DDX46: variants seen among roughly 807,000 people sequenced by gnomAD.
The protein encoded by DDX46 is probable ATP-dependent RNA helicase DDX46.
Under a neutral mutation model 134.9 loss-of-function variants are expected in DDX46, and 30 were observed. The ratio of observed to expected loss-of-function variants is 0.22; its 90% CI spans 0.17 to 0.30. DDX46 has a LOEUF of 0.30. Among genes scored for constraint, DDX46 ranks in the 10% least tolerant of loss-of-function variants. The pLI, the probability that DDX46 is intolerant of heterozygous loss-of-function variation, is 1.00. For synonymous variants in DDX46, 415 were observed against 404.1 expected (o/e 1.03, Z -0.32); for missense variants, 622 against 1,248.7 (o/e 0.50, Z 7.56).
intron 13 of DDX46, 122 bp downstream of exon 13, chr5:134,790,674 A>C: frequency 1.3e-6 from 1 of 792,540 alleles, no homozygotes; most frequent in Non-Finnish European, 2.0e-6. Flanking sequence ...ACGGTAATAC[A>C]GAAGACTGGG....
intron 1 of DDX46, among the ~76,000 whole-genome samples, chr5:134,763,335 G>T (rs1432118137): frequency 6.6e-6 from 1 of 152,100 alleles, no homozygotes; most frequent in Non-Finnish European, 1.5e-5. Flanking sequence ...TTATATAATG[G>T]CCAGTAAGGC....
At chr5:134,773,960 CTA>C (rs1250428378) in intron 5 of DDX46, 99 bp downstream of exon 5, 1 of 1,230,178 alleles carries the variant, frequency 8.1e-7, no homozygotes, top group Non-Finnish European at 1.1e-6. Flanking sequence ...TTGTTGAAAA[CTA>C]TGCATAATAT....
rs756728755 is a variant in DDX46, at chr5:134,785,537, T to C, written c.1415T>C (p.Leu472Ser). 6.2e-7 allele frequency: 1 copy of C among 1,613,954 alleles called. No individual in the cohort carries two copies. The highest frequency in any genetic ancestry group is 8.5e-7 in the Non-Finnish European group (1 of 1,179,916). Residue 472 changes from leucine to serine, a missense_variant, in exon 11 of 23, where the codon TTG (leucine) becomes TCG (serine). Physicochemically the swap from Leu to Ser is moderately radical, Grantham distance 145 (BLOSUM62 -2). This residue lies in a region of DDX46 where 209 missense variants were observed against 508.4 expected (regional missense o/e 0.41). Transcript: ENST00000452510. ...GAGTGTAAGAAGTTTTCCAAGACTT[T>C]GGGACTTAGAGTGGTCTGTGTTTAC... ...TKECKKFSKT[L>S]GLRVVCVYGG...
At chr5:134,759,032 C>G in intron 1 of DDX46, 77 bp downstream of exon 1, 2 of 1,584,778 alleles carry the variant, frequency 1.3e-6, no homozygotes. Context: ...TTGAGGTGGC[C>G]GCCGGGCCAG....
At position 134,785,481 on chromosome 5, in the gene DDX46, A is replaced by G. The variant is rs1404838866; in HGVS notation, c.1359A>G (p.Pro453=). The change falls in exon 11 of 23, where the codon CCA becomes CCG. Residue 453 remains proline, a synonymous_variant. Transcript: ENST00000452510. ...TCTTTCCAGCTGTCATCATGACTCC[A>G]ACTCGAGAACTGGCTTTACAGATTA... The part of the protein sequence containing the change: ...GEGPIAVIMT[P]TRELALQITK... The G allele has an allele frequency of 6.2e-7, 1 of 1,613,056 alleles. No homozygotes were observed. Among genetic ancestry groups the G allele is most frequent in the East Asian group, 2.2e-5 (1 of 44,790 alleles).
intron 21 of DDX46, among the ~76,000 whole-genome samples, chr5:134,820,976 G>A (rs921090955): frequency 4.8e-5 from 7 of 144,368 alleles, no homozygotes; most frequent in African/African-American, 1.8e-4. Context: ...AGTAATTCTC[G>A]TGCCTCAGCC....
intron 18 of DDX46, among the ~76,000 whole-genome samples, chr5:134,815,726 A>G (rs1350568261): frequency 6.6e-6 from 1 of 151,080 alleles, no homozygotes; most frequent in Admixed American, 6.6e-5. Context: ...AAAAAAAAAA[A>G]AAAAAAGAAA....
At chr5:134,795,208 TTTTTTTTTTTTG>T (rs1754617360) in intron 14 of DDX46, among the ~76,000 whole-genome samples, 194 bp downstream of exon 14, 1 of 143,742 alleles carries the variant, frequency 7.0e-6, no homozygotes, top group African/African-American at 2.6e-5. Context: ...ATGCTTGTTT[TTTTTTTTTTTTG>T]TTTTTTTTTT....
intron 3 of DDX46, among the ~76,000 whole-genome samples, chr5:134,770,223 T>A (rs894749754): frequency 2.1e-4 from 30 of 145,762 alleles, no homozygotes; most frequent in Middle Eastern, 3.5e-3. Flanking sequence ...TTTTTTTTTT[T>A]AAAAAGAGAC....
At chr5:134,759,966 C>T (rs1753327398) in intron 1 of DDX46, among the ~76,000 whole-genome samples, 1 of 152,188 alleles carries the variant, frequency 6.6e-6, no homozygotes, top group South Asian at 2.1e-4. Flanking sequence ...TTAGATTCTA[C>T]ATCCTTTGCC....
chr5:134,765,626 G>A (rs1315176295), intron 2 of DDX46, among the ~76,000 whole-genome samples: 1 of 152,102 alleles, frequency 6.6e-6, no homozygotes, highest in African/African-American at 2.4e-5. Context: ...TCATAGAGAT[G>A]GGGGTCTTAA....
At chr5:134,808,903 A>G (rs189232685) in intron 16 of DDX46, among the ~76,000 whole-genome samples, 1 of 152,344 alleles carries the variant, frequency 6.6e-6, no homozygotes, top group East Asian at 1.9e-4. Flanking sequence ...TCTGCCATAT[A>G]TAATGTCATT....
At chr5:134,778,020 CTTTTT>C (rs558645191) in intron 6 of DDX46, 89 of 150,792 alleles carry the variant, frequency 5.9e-4, no homozygotes, top group Non-Finnish European at 8.1e-4. Context: ...CTTTGATACT[CTTTTT>C]TTTTTTTTTT....
At chr5:134,803,183 G>A (rs1421475425) in intron 15 of DDX46, among the ~76,000 whole-genome samples, 3 of 151,908 alleles carry the variant, frequency 2.0e-5, no homozygotes, top group Non-Finnish European at 4.4e-5. Context: ...TAGTAGAGAC[G>A]GGGTTTCACC....
chr5:134,789,505 G>T (rs1462288210), intron 12 of DDX46, among the ~76,000 whole-genome samples: 3 of 152,064 alleles, frequency 2.0e-5, no homozygotes, highest in Non-Finnish European at 4.4e-5. Context: ...CATGAAGTTG[G>T]CAAAGTGACA....
chr5:134,830,732 C>T lies in DDX46; in HGVS notation c.*2026C>T, dbSNP rs1755716740. On this transcript the variant is annotated 3_prime_UTR_variant, in exon 23 of 23. Coordinates refer to ENST00000452510, the MANE Select transcript of DDX46 (RefSeq NM_001300860.2). ...ACATGTAACAACAGAAACAAATAAACCACTTACTGTAAAATTTCAGAAATT... is the reference window on the plus strand; with the variant it reads ...ACATGTAACAACAGAAACAAATAAATCACTTACTGTAAAATTTCAGAAATT... 1 of 152,588 alleles carries T rather than the reference C, an allele frequency of 6.6e-6. No homozygotes were observed. The highest frequency in any genetic ancestry group is 1.5e-5 in the Non-Finnish European group (1 of 68,016). The allele number at this position is 152,588 out of a possible 1,614,324, so 9.5% of individuals were successfully genotyped here. A position where few individuals can be genotyped will look rare whatever the true frequency, so the allele number is the denominator to read the frequency against.
intron 4 of DDX46, among the ~76,000 whole-genome samples, chr5:134,772,058 C>G (rs1753789839): frequency 6.6e-6 from 1 of 151,724 alleles, no homozygotes; most frequent in African/African-American, 2.4e-5. Context: ...TGGTAAAACC[C>G]CGTCACTACT....
At chr5:134,815,015 G>T (rs560709114) in intron 18 of DDX46, among the ~76,000 whole-genome samples, 13 of 152,286 alleles carry the variant, frequency 8.5e-5, no homozygotes, top group Middle Eastern at 3.4e-3. Flanking sequence ...GGAAGGCCAT[G>T]GTGGGAGGAT....
chr5:134,778,559 G>C (rs573885525), intron 6 of DDX46, among the ~76,000 whole-genome samples: 3 of 152,054 alleles, frequency 2.0e-5, no homozygotes, highest in Admixed American at 2.0e-4. Context: ...GTAGTATTTT[G>C]TTTCATTTTA....
Sources: gnomAD v4.1 joint callset for allele counts (sites outside exome capture counted in the v4.1 genomes callset) on GRCh38, gnomAD v4.1.1 for gene constraint, gnomAD v4.1.1 regional missense constraint, MANE v1.5 for transcripts, NCBI Gene and HGNC (gene_info 2026-07-23, HGNC 2026-07-21) for gene names.